Variants in FOXN3 observed in about 807,000 individuals in gnomAD.
The protein encoded by FOXN3 is forkhead box protein N3.
In FOXN3, 7 loss-of-function variants were observed where a neutral mutation model predicts 38.4. The ratio of observed to expected loss-of-function variants is 0.18; its 90% CI spans 0.10 to 0.34. FOXN3 has a LOEUF of 0.34. Ranked by LOEUF, FOXN3 falls within the 10% of genes least tolerant of loss-of-function variation. The pLI is 1.00. For missense variants in FOXN3, 456 were observed against 613.4 expected (o/e 0.74, Z 2.71); for synonymous variants, 230 against 242.2 (o/e 0.95, Z 0.47).
intron 1 of FOXN3, among the ~76,000 whole-genome samples, chr14:89,471,627 A>G (rs1460537126): frequency 6.6e-6 from 1 of 152,154 alleles, no homozygotes; most frequent in Non-Finnish European, 1.5e-5. Flanking sequence ...CAGTTGAGCT[A>G]GGTCTCTGGA....
intron 3 of FOXN3, among the ~76,000 whole-genome samples, chr14:89,335,103 A>T (rs1888408682): frequency 6.6e-6 from 1 of 151,658 alleles, no homozygotes; most frequent in Non-Finnish European, 1.5e-5. Context: ...ACACACACAC[A>T]CACACACACA....
At chr14:89,253,989 C>T (rs978044246) in intron 4 of FOXN3, among the ~76,000 whole-genome samples, 1 of 152,192 alleles carries the variant, frequency 6.6e-6, no homozygotes, top group Admixed American at 6.5e-5. Flanking sequence ...GTATTCTGCA[C>T]CCTGTAACTG....
At chr14:89,497,617 G>C (rs975057484) in intron 1 of FOXN3, among the ~76,000 whole-genome samples, 4 of 151,490 alleles carry the variant, frequency 2.6e-5, no homozygotes, top group Non-Finnish European at 5.9e-5. Flanking sequence ...TGTTGAGGCT[G>C]GTCTCGAACT....
chr14:89,595,198 G>A (rs758029427), intron 1 of FOXN3, among the ~76,000 whole-genome samples: 9 of 151,622 alleles, frequency 5.9e-5, no homozygotes, highest in African/African-American at 2.2e-4. Flanking sequence ...GGTGGCAGTC[G>A]CCTGTAGTCC....
intron 3 of FOXN3, among the ~76,000 whole-genome samples, chr14:89,332,295 G>C (rs1191560655): frequency 6.6e-6 from 1 of 152,092 alleles, no homozygotes; most frequent in East Asian, 1.9e-4. Context: ...TCCAGGGTCA[G>C]GAAAATTATA....
rs1271844058 is a variant in FOXN3 at position 89,384,041 on chromosome 14, C to T, written c.543+27893G>A. Among the ~76,000 whole-genome samples, 8 of 152,168 alleles carry T rather than the reference C, an allele frequency of 5.3e-5. No individual in the cohort carries two copies. In the East Asian group the frequency reaches 1.5e-3, roughly 29 times the overall value. Reference sequence around the variant, plus strand: ...TTTGGTGGGGGGGGACATTTCAGCCCACTACAGTGATAACAGAGAACATCA... The same window carrying T: ...TTTGGTGGGGGGGGACATTTCAGCCTACTACAGTGATAACAGAGAACATCA... On this transcript the variant is annotated intron_variant, in intron 2 of 5. Coordinates refer to ENST00000557258, the MANE Select transcript of FOXN3 (RefSeq NM_005197.4).
At chr14:89,557,474 T>C (rs1369595008) in intron 1 of FOXN3, among the ~76,000 whole-genome samples, 1 of 152,176 alleles carries the variant, frequency 6.6e-6, no homozygotes, top group Non-Finnish European at 1.5e-5. Flanking sequence ...AATGGAGCTC[T>C]TGCAGACACC....
At chr14:89,284,774 G>A (rs1192484418) in intron 3 of FOXN3, among the ~76,000 whole-genome samples, 1 of 152,132 alleles carries the variant, frequency 6.6e-6, no homozygotes, top group African/African-American at 2.4e-5. Context: ...GGACCTTGCC[G>A]GCCAGCAAGG....
intron 3 of FOXN3, chr14:89,291,213 G>A (rs183121105): frequency 1.6e-4 from 71 of 437,348 alleles, no homozygotes; most frequent in African/African-American, 1.1e-3. Context: ...GCTGACATCC[G>A]AGAGATGACT....
chr14:89,382,061 G>T (rs1890663938), intron 2 of FOXN3, among the ~76,000 whole-genome samples: 1 of 151,898 alleles, frequency 6.6e-6, no homozygotes, highest in Non-Finnish European at 1.5e-5. Context: ...TCATCACCTT[G>T]CCCCACTGCT....
intron 4 of FOXN3, among the ~76,000 whole-genome samples, chr14:89,183,454 G>A (rs1887724283): frequency 6.6e-6 from 1 of 152,142 alleles, no homozygotes; most frequent in Non-Finnish European, 1.5e-5. Context: ...CAAGCAAGAG[G>A]GAGGGGGAGA....
chr14:89,341,385 G>A (rs1020811658), intron 3 of FOXN3, among the ~76,000 whole-genome samples: 4 of 152,106 alleles, frequency 2.6e-5, no homozygotes, highest in African/African-American at 4.8e-5. Flanking sequence ...TGCTCTTCCC[G>A]GGTTACACAT....
chr14:89,546,331 T>TTTTTTTC (rs1555359726), intron 1 of FOXN3, among the ~76,000 whole-genome samples: 1 of 107,988 alleles, frequency 9.3e-6, no homozygotes, highest in Non-Finnish European at 1.9e-5. Flanking sequence ...TCCTTTTTCT[T>TTTTTTTC]TTTTTTTTTT....
chr14:89,183,418 T>A (rs920173327), intron 4 of FOXN3, among the ~76,000 whole-genome samples: 5 of 152,022 alleles, frequency 3.3e-5, no homozygotes, highest in Non-Finnish European at 4.4e-5. Context: ...TCCTATATAT[T>A]AGATGATGGG....
chr14:89,255,316 C>G (rs916463838), intron 4 of FOXN3, among the ~76,000 whole-genome samples: 1 of 152,144 alleles, frequency 6.6e-6, no homozygotes, highest in African/African-American at 2.4e-5. Context: ...AGACTTGAGT[C>G]AAACACAAGG....
chr14:89,605,689 A>G (rs1005656048), intron 1 of FOXN3, among the ~76,000 whole-genome samples: 1 of 152,176 alleles, frequency 6.6e-6, no homozygotes, highest in African/African-American at 2.4e-5. Flanking sequence ...TTTATATTAG[A>G]AAAAATATAT....
chr14:89,551,435 A>C (rs1164030401), intron 1 of FOXN3, among the ~76,000 whole-genome samples: 1 of 151,384 alleles, frequency 6.6e-6, no homozygotes. Context: ...CTTACTAACT[A>C]ACACTTCTCC....
rs925663125 is a variant in FOXN3, at chr14:89,406,250, C to CA, written c.543+5683dup. 9.7e-4 allele frequency among the ~76,000 whole-genome samples: 136 copies of CA among 140,524 alleles called. No homozygotes were observed. In the Middle Eastern group the frequency reaches 0.011, roughly 11 times the overall value. The allele number at this position is 140,524 out of a possible 152,430, so 92.2% of individuals were successfully genotyped here. The stretch of plus-strand genomic sequence containing the variant: ...GTATGAGCCACAGTGCGCAGCCCTA[C>CA]AAAAAAAAAAAATCTTGAAATTAGC... On this transcript the variant is annotated intron_variant, in intron 2 of 5. Coordinates refer to ENST00000557258, the MANE Select transcript of FOXN3 (RefSeq NM_005197.4).
At chr14:89,467,643 G>A (rs1892998422) in intron 1 of FOXN3, among the ~76,000 whole-genome samples, 1 of 148,112 alleles carries the variant, frequency 6.8e-6, no homozygotes, top group Admixed American at 6.7e-5. Flanking sequence ...TTAAACATAT[G>A]GGGTCTCACT....
Sources: allele counts gnomAD v4.1 joint callset (sites outside exome capture counted in the v4.1 genomes callset), GRCh38; gene constraint gnomAD v4.1.1; transcripts MANE v1.5; gene names NCBI Gene and HGNC (gene_info 2026-07-23, HGNC 2026-07-21).